Variants in MAPK7 observed in about 807,000 individuals in gnomAD.
The protein encoded by MAPK7 is BMK-1.
Under a neutral mutation model 56.9 loss-of-function variants are expected in MAPK7, and 30 were observed. The observed-to-expected ratio is 0.53, with a 90% confidence interval of 0.39 to 0.72. MAPK7 has a LOEUF of 0.72. Ranked by LOEUF, MAPK7 falls within the 30% of genes least tolerant of loss-of-function variation. The pLI, the probability that MAPK7 is intolerant of heterozygous loss-of-function variation, is 0.00. For missense variants in MAPK7, 952 were observed against 1,110.8 expected, an observed-to-expected ratio of 0.86 and a Z score of 2.03; for synonymous variants, 516 against 449.3, an observed-to-expected ratio of 1.15 and a Z score of -1.88.
In MAPK7 at chr17:19,379,028, G is replaced by T; in HGVS notation, c.128G>T (p.Arg43Leu). Residue 43 changes from arginine to leucine, a missense_variant, in exon 2 of 7, where the codon CGC (arginine) becomes CTC (leucine). By Grantham distance (102) the Arg-to-Leu change is moderately radical. Transcript: ENST00000395604. ...AAKNLALLKA[R>L]SFDVTFDVGD... is the part of the protein sequence containing the mutation. ...AAGAACCTGGCCCTGCTTAAAGCCC[G>T]CTCCTTCGATGTGACCTTTGACGTG... The T allele has an allele frequency of 6.8e-6, 11 of 1,614,022 alleles. No homozygotes were observed. The highest frequency in any genetic ancestry group is 8.5e-6 in the Non-Finnish European group (10 of 1,179,978).
chr17:19,379,401 C>CT (rs1453506207), intron 2 of MAPK7: 7 of 572,800 alleles, frequency 1.2e-5, no homozygotes, highest in Non-Finnish European at 2.2e-5. Flanking sequence ...TCCTTCGTGT[C>CT]TAAGAGAGAA....
At chr17:19,379,697 A>G in intron 2 of MAPK7, 85 bp from the exon 3 acceptor site, 3 of 1,265,232 alleles carry the variant, frequency 2.4e-6, no homozygotes, top group Non-Finnish European at 3.4e-6. Flanking sequence ...TTTGCATCCT[A>G]GAAGGGAGGT....
Position 19,379,776 on chromosome 17 carries a change from C to G in MAPK7, c.233-6C>G. 1.9e-6 allele frequency: 3 copies of G among 1,613,732 alleles called. No homozygotes were observed. The highest frequency in any genetic ancestry group is 2.5e-6 in the Non-Finnish European group (3 of 1,179,822). On this transcript the variant is annotated splice_polypyrimidine_tract_variant and splice_region_variant and intron_variant, in intron 2 of 6. Coordinates refer to ENST00000395604, the MANE Select transcript of MAPK7 (RefSeq NM_002749.4). Reference sequence around the variant, plus strand: ...CTCTGGTATGTCCCTTTTCCCTGCTCCTCAGGCCAGCAGGTGGCCATCAAG... The same window carrying G: ...CTCTGGTATGTCCCTTTTCCCTGCTGCTCAGGCCAGCAGGTGGCCATCAAG...
chr17:19,382,735 C>A lies in MAPK7; in HGVS notation c.2164-78C>A, dbSNP rs914848792. 3 of 1,551,022 alleles carry A rather than the reference C, an allele frequency of 1.9e-6. No homozygotes were observed. The African/African-American group carries it at 4.1e-5, about 21-fold the overall frequency. On this transcript the variant is annotated intron_variant, in intron 5 of 6. Coordinates refer to ENST00000395604, the MANE Select transcript of MAPK7 (RefSeq NM_002749.4). ...GTGTTAGCACTCCCAGATATCCAGG[C>A]GGAGTAGTCAGCAGCATTGGGACAG...
chr17:19,382,424 A>C lies in MAPK7; in HGVS notation c.2121A>C (p.Ser707=). 5.0e-6 allele frequency: 8 copies of C among 1,609,976 alleles called. No homozygotes were observed. Among genetic ancestry groups the C allele is most frequent in the Non-Finnish European group, 6.8e-6 (8 of 1,177,998 alleles). ...CCCCTCAGTCTTCCATGTCAGAGTCACCTGATGTCAACCTTGTGACCCAGC... is the reference window on the plus strand; with the variant it reads ...CCCCTCAGTCTTCCATGTCAGAGTCCCCTGATGTCAACCTTGTGACCCAGC... ...GGAPQSSMSE[S]PDVNLVTQQL... is the part of the protein sequence containing the mutation. The change falls in exon 5 of 7, where the codon TCA becomes TCC. Residue 707 remains serine (S), a synonymous_variant. Transcript: ENST00000395604.
intron 6 of MAPK7, 38 bp from the exon 7 acceptor site, chr17:19,383,040 C>T (rs1196863755): frequency 6.2e-6 from 10 of 1,612,780 alleles, no homozygotes; most frequent in Non-Finnish European, 7.6e-6. Flanking sequence ...AGGGTCCAGC[C>T]TAGGCTAATA....
chr17:19,379,742 C>T, intron 2 of MAPK7, 40 bp from the exon 3 acceptor site: 1 of 1,596,406 alleles, frequency 6.3e-7, no homozygotes, highest in African/African-American at 1.3e-5. Context: ...GCAGTTTCTC[C>T]AAGGTATCCT....
Position 19,381,162 on chromosome 17 carries a change from G to A in MAPK7, c.953G>A (p.Arg318His), listed in dbSNP as rs202165382. The A allele has an allele frequency of 6.5e-5, 105 of 1,614,066 alleles. No individual in the cohort carries two copies. The highest frequency in any genetic ancestry group is 2.4e-4 in the South Asian group (22 of 91,082). The change falls in exon 4 of 7, where the codon CGC becomes CAC. Residue 318 changes from arginine (R) to histidine (H), a missense_variant. This residue lies in a region of MAPK7 where 429 missense variants were observed against 533.0 expected (regional missense o/e 0.80). Transcript: ENST00000395604. The surrounding 1 kb of genome is among the most constrained non-coding windows in gnomAD (Gnocchi z 4.6). ...PWETVYPGAD[R>H]QALSLLGRML... ...GAGACAGTGTACCCAGGTGCCGACC[G>A]CCAGGCCCTATCACTGCTGGGTCGC...
At chr17:19,378,481 G>A, upstream of MAPK7, 1 of 1,037,152 alleles carries the variant, frequency 9.6e-7, no homozygotes, top group Non-Finnish European at 1.2e-6. The surrounding 1 kb of genome is among the most constrained non-coding windows in gnomAD (Gnocchi z 5.4). Context: ...TGGGAGGCGG[G>A]GCGGAGGGGG....
rs751958457 is a variant in MAPK7 at position 19,378,953 on chromosome 17, C to A, written c.53C>A (p.Pro18His). 4 of 1,600,290 alleles carry A rather than the reference C, an allele frequency of 2.5e-6. No homozygotes were observed. Among genetic ancestry groups the A allele is most frequent in the Non-Finnish European group, 8.5e-7 (1 of 1,173,522 alleles). ...EDGEDGSAEP[P>H]GPVKAEPAHT... is the part of the protein sequence containing the mutation. ...GGCGAGGACGGCTCTGCGGAGCCCCCCGGGCCCGTGAAGGCCGAACCCGCC... is the reference window on the plus strand; with the variant it reads ...GGCGAGGACGGCTCTGCGGAGCCCCACGGGCCCGTGAAGGCCGAACCCGCC... The change falls in exon 2 of 7, where the codon CCC becomes CAC. Residue 18 changes from proline to histidine, a missense_variant. Coordinates refer to ENST00000395604, the MANE Select transcript of MAPK7 (RefSeq NM_002749.4). The surrounding 1 kb of genome is among the most constrained non-coding windows in gnomAD (Gnocchi z 5.4).
chr17:19,378,322 G>T, upstream of MAPK7: 1 of 988,510 alleles, frequency 1.0e-6, no homozygotes, highest in Non-Finnish European at 1.2e-6. The surrounding 1 kb of genome is among the most constrained non-coding windows in gnomAD (Gnocchi z 5.4). Context: ...CACCCTTTGG[G>T]CGGCTCCCGC....
In MAPK7 at chr17:19,382,422, T is replaced by C; in HGVS notation, c.2119T>C (p.Ser707Pro). 1 of 1,610,022 alleles carries C rather than the reference T, an allele frequency of 6.2e-7. No individual in the cohort carries two copies. Among genetic ancestry groups the C allele is most frequent in the South Asian group, 1.1e-5 (1 of 90,532 alleles). ...AGCCCCTCAGTCTTCCATGTCAGAGTCACCTGATGTCAACCTTGTGACCCA... is the reference window on the plus strand; with the variant it reads ...AGCCCCTCAGTCTTCCATGTCAGAGCCACCTGATGTCAACCTTGTGACCCA... ...GGAPQSSMSESPDVNLVTQQL... is the reference protein window; with the variant it reads ...GGAPQSSMSEPPDVNLVTQQL... The change falls in exon 5 of 7, where the codon TCA (serine) becomes CCA (proline). Residue 707 changes from serine to proline, a missense_variant. By Grantham distance (74) the Ser-to-Pro change is moderately conservative. Transcript: ENST00000395604.
In MAPK7 at chr17:19,379,135, G is replaced by T; in HGVS notation, c.232+3G>T. ...CTCCGCCCGCCGCCGCCTCACCGGT[G>T]AGCTTCCTGAGCCGTCGCCTCCCAG... On this transcript the variant is annotated splice_donor_region_variant and intron_variant, in intron 2 of 6. Coordinates refer to ENST00000395604, the MANE Select transcript of MAPK7 (RefSeq NM_002749.4). 1 of 1,610,862 alleles carries T rather than the reference G, an allele frequency of 6.2e-7. No homozygotes were observed.
At chr17:19,378,187 G>A (rs1339587796), upstream of MAPK7, 8 of 983,870 alleles carry the variant, frequency 8.1e-6, no homozygotes, top group Non-Finnish European at 9.7e-6. The surrounding 1 kb of genome is among the most constrained non-coding windows in gnomAD (Gnocchi z 5.4). Flanking sequence ...GAGGTTGAGA[G>A]CTTCATGGGG....
upstream of MAPK7, chr17:19,378,315 C>T (rs916498692): frequency 3.0e-6 from 3 of 988,292 alleles, no homozygotes; most frequent in African/African-American, 1.7e-5. This position sits in a 1 kb window ranked among gnomAD's most constrained non-coding sequence, Gnocchi z 5.4. Flanking sequence ...TGCCGGGCAC[C>T]CTTTGGGCGG....
chr17:19,378,112 C>T, upstream of MAPK7: 5 of 978,640 alleles, frequency 5.1e-6, no homozygotes, highest in African/African-American at 1.7e-5. The surrounding 1 kb of genome is among the most constrained non-coding windows in gnomAD (Gnocchi z 5.4). Context: ...GTAACAGTCC[C>T]AGACCTGGGC....
Position 19,382,846 on chromosome 17 carries a change from A to G in MAPK7, c.2197A>G (p.Thr733Ala). ...EDPLPPVFSG[T>A]PKGSGAGYGV... ...CCCCCTGCCCCCTGTGTTCTCAGGC[A>G]CACCAAAGGGCAGTGGGGCTGGCTA... The change falls in exon 6 of 7, where the codon ACA becomes GCA. Residue 733 changes from threonine to alanine, a missense_variant. Coordinates refer to ENST00000395604, the MANE Select transcript of MAPK7 (RefSeq NM_002749.4). 6.2e-7 allele frequency: 1 copy of G among 1,614,200 alleles called. No homozygotes were observed. The highest frequency in any genetic ancestry group is 8.5e-7 in the Non-Finnish European group (1 of 1,180,026).
At chr17:19,382,551 A>C (rs1912809936) in intron 5 of MAPK7, 85 bp downstream of exon 5, 7 of 1,509,156 alleles carry the variant, frequency 4.6e-6, no homozygotes, top group Admixed American at 2.2e-5. Context: ...TTCCACAAAA[A>C]CTGAGCAGCA....
Position 19,378,906 on chromosome 17 carries a change from C to T in MAPK7, c.6C>T (p.Ala2=). ...CGAGTCTCCACACAGACACCATGGC[C>T]GAGCCTCTGAAGGAGGAAGACGGCG... M[A]EPLKEEDGED... The change falls in exon 2 of 7, where the codon GCC becomes GCT. Residue 2 remains alanine (A), a synonymous_variant. Transcript: ENST00000395604. The surrounding 1 kb of genome is among the most constrained non-coding windows in gnomAD (Gnocchi z 5.4). 6.4e-7 allele frequency: 1 copy of T among 1,566,082 alleles called. No homozygotes were observed. Among genetic ancestry groups the T allele is most frequent in the Non-Finnish European group, 8.7e-7 (1 of 1,154,812 alleles).
Sources: gnomAD v4.1 joint callset for allele counts on GRCh38, gnomAD v4.1.1 for gene constraint, gnomAD v4.1.1 regional missense constraint, Gnocchi (gnomAD v3.1) non-coding constraint, MANE v1.5 for transcripts, NCBI Gene and HGNC (gene_info 2026-07-23, HGNC 2026-07-21) for gene names.